The following ITPR1 variants were observed in gnomAD, a reference collection of about 807,000 sequenced individuals.
ITPR1 encodes inositol 1,4,5-trisphosphate receptor type 1, also known as inositol 1,4,5-trisphosphate-gated calcium channel ITPR1.
Under a neutral mutation model 318.4 loss-of-function variants are expected in ITPR1, and 96 were observed. That is an observed-to-expected ratio of 0.30 (90% CI 0.26 to 0.36). The LOEUF (loss-of-function observed/expected upper bound fraction) is 0.36. ITPR1 is among the 10% of genes least tolerant of loss of function. The pLI, the probability that ITPR1 is intolerant of heterozygous loss-of-function variation, is 1.00. For synonymous variants in ITPR1, 1,312 were observed against 1,289.9 expected, an observed-to-expected ratio of 1.02 and a Z score of -0.37; for missense variants, 2,440 against 3,460.2, an observed-to-expected ratio of 0.71 and a Z score of 7.40.
At chr3:4,825,871 C>G (rs776752714) in intron 60 of ITPR1, 6 of 451,964 alleles carry the variant, frequency 1.3e-5, no homozygotes, top group Non-Finnish European at 2.2e-5. Context: ...TCCTGCAGAT[C>G]ATGATTAGAT....
At chr3:4,520,894 G>A in intron 3 of ITPR1, 130 bp from the exon 4 acceptor site, 1 of 717,826 alleles carries the variant, frequency 1.4e-6, no homozygotes, top group Non-Finnish European at 2.5e-6. Context: ...CTAGTGTAAA[G>A]AGTTCCTGGC....
intron 4 of ITPR1, among the ~76,000 whole-genome samples, chr3:4,532,168 C>T (rs565674575): frequency 1.3e-5 from 2 of 152,244 alleles, no homozygotes; most frequent in Non-Finnish European, 2.9e-5. Context: ...GAAACCATGC[C>T]TGTCTCCCTA....
chr3:4,761,376 C>T (rs190565818), intron 44 of ITPR1, among the ~76,000 whole-genome samples: 43 of 152,328 alleles, frequency 2.8e-4, no homozygotes, highest in Non-Finnish European at 5.1e-4. Context: ...GTTTTCTGCT[C>T]CTGCATCAAT....
chr3:4,776,291 T>G (rs572389171), intron 47 of ITPR1, among the ~76,000 whole-genome samples: 1 of 152,156 alleles, frequency 6.6e-6, no homozygotes, highest in Non-Finnish European at 1.5e-5. Flanking sequence ...AGGCTGGTCT[T>G]GAACTTCTGA....
At chr3:4,808,108 G>T (rs1163528858) in intron 55 of ITPR1, among the ~76,000 whole-genome samples, 3 of 152,240 alleles carry the variant, frequency 2.0e-5, no homozygotes, top group African/African-American at 7.2e-5. Flanking sequence ...GCACATAATG[G>T]TGAGAGGAAC....
At chr3:4,695,728 C>A (rs2094547409) in intron 33 of ITPR1, among the ~76,000 whole-genome samples, 1 of 152,172 alleles carries the variant, frequency 6.6e-6, no homozygotes, top group Non-Finnish European at 1.5e-5. Flanking sequence ...TAAGGTTGAT[C>A]CACCCTGATA....
intron 34 of ITPR1, among the ~76,000 whole-genome samples, chr3:4,697,940 C>G (rs369041074): frequency 3.3e-5 from 5 of 152,132 alleles, no homozygotes; most frequent in East Asian, 1.9e-4. Flanking sequence ...GGGCACTTCC[C>G]TGAGCTTGAG....
chr3:4,622,871 A>C (rs1559556554), intron 4 of ITPR1, among the ~76,000 whole-genome samples: 1 of 152,212 alleles, frequency 6.6e-6, no homozygotes, highest in East Asian at 1.9e-4. Flanking sequence ...GCTTCTACTC[A>C]ATCTTTAGAC....
chr3:4,787,851 C>T, intron 51 of ITPR1, 96 bp from the exon 52 acceptor site: 1 of 801,302 alleles, frequency 1.2e-6, no homozygotes, highest in Non-Finnish European at 2.0e-6. Flanking sequence ...TCATATTATA[C>T]TCAATCTTGA....
intron 4 of ITPR1, among the ~76,000 whole-genome samples, chr3:4,561,223 G>A (rs2125016890): frequency 6.6e-6 from 1 of 152,144 alleles, no homozygotes; most frequent in East Asian, 1.9e-4. Flanking sequence ...GATTCTTTCT[G>A]GAATTGATAA....
At chr3:4,533,204 A>G (rs1350524419) in intron 4 of ITPR1, among the ~76,000 whole-genome samples, 2 of 152,220 alleles carry the variant, frequency 1.3e-5, no homozygotes, top group Non-Finnish European at 2.9e-5. Flanking sequence ...GCATTATTGA[A>G]TGTTTGAAAA....
intron 26 of ITPR1, 41 bp from the exon 27 acceptor site, chr3:4,683,345 T>C: frequency 6.2e-7 from 1 of 1,611,312 alleles, no homozygotes; most frequent in South Asian, 1.1e-5. Context: ...GAGGAGGCAT[T>C]TGTCATTCAT....
intron 2 of ITPR1, among the ~76,000 whole-genome samples, chr3:4,503,145 A>T (rs2081151601): frequency 7.0e-6 from 1 of 143,478 alleles, no homozygotes; most frequent in Non-Finnish European, 1.6e-5. Context: ...CCATGTAGAG[A>T]TATTAAGCAT....
intron 60 of ITPR1, among the ~76,000 whole-genome samples, chr3:4,827,241 A>G (rs2050140732): frequency 6.6e-6 from 1 of 152,132 alleles, no homozygotes; most frequent in African/African-American, 2.4e-5. Flanking sequence ...TTACTTCCAG[A>G]CGTCCTAACT....
chr3:4,685,855 G>T (rs1437526302), intron 30 of ITPR1, among the ~76,000 whole-genome samples: 1 of 152,166 alleles, frequency 6.6e-6, no homozygotes, highest in Non-Finnish European at 1.5e-5. Context: ...AGACCCACTC[G>T]GGTATTTGTG....
chr3:4,631,940 C>T (rs2093028021), intron 5 of ITPR1, among the ~76,000 whole-genome samples: 1 of 152,196 alleles, frequency 6.6e-6, no homozygotes, highest in South Asian at 2.1e-4. Context: ...GCATGGACTA[C>T]TGCGCCCAGC....
rs754207637 is a variant in ITPR1, at chr3:4,627,889, C to T, written c.279+11C>T. ...CTCAACAAACTGCACGTACGTATTG[C>T]CATGGGGCTGTCGATGGGGCAGTAG... On this transcript the variant is annotated intron_variant, in intron 5 of 61. Transcript: ENST00000649015. The T allele has an allele frequency of 1.9e-6, 3 of 1,570,962 alleles. No homozygotes were observed. In the East Asian group the frequency reaches 6.7e-5, roughly 35 times the overall value.
chr3:4,584,659 C>T (rs1159599394), intron 4 of ITPR1, among the ~76,000 whole-genome samples: 2 of 151,910 alleles, frequency 1.3e-5, no homozygotes, highest in African/African-American at 4.8e-5. Context: ...GGCTGCCACT[C>T]AGTGGGAGAA....
chr3:4,547,759 G>T (rs905497068), intron 4 of ITPR1, among the ~76,000 whole-genome samples: 1 of 152,158 alleles, frequency 6.6e-6, no homozygotes, highest in Non-Finnish European at 1.5e-5. Context: ...TACCCAGTCC[G>T]AGGAGTTCAA....
Sources: allele counts gnomAD v4.1 joint callset (sites outside exome capture counted in the v4.1 genomes callset), GRCh38; gene constraint gnomAD v4.1.1; transcripts MANE v1.5; gene names NCBI Gene and HGNC (gene_info 2026-07-23, HGNC 2026-07-21).